The following CDH13 variants were observed in gnomAD, a reference collection of about 807,000 sequenced individuals.
CDH13 encodes cadherin 13, also known as cadherin-13.
In CDH13, 24 loss-of-function variants were observed where a neutral mutation model predicts 63.8. That is an observed-to-expected ratio of 0.38 (90% CI 0.27 to 0.53). The LOEUF is 0.53. Among genes scored for constraint, CDH13 ranks in the 20% least tolerant of loss-of-function variants. The pLI is 0.85. For missense variants in CDH13, 1,049 were observed against 903.1 expected (o/e 1.16, Z -2.07); for synonymous variants, 503 against 355.3 (o/e 1.42, Z -4.67).
intron 3 of CDH13, among the ~76,000 whole-genome samples, chr16:83,049,766 T>G (rs1388787918): frequency 1.3e-5 from 2 of 152,174 alleles, no homozygotes; most frequent in Non-Finnish European, 2.9e-5. Flanking sequence ...TTGATGGCCA[T>G]TTGGGCTTTT....
intron 7 of CDH13, among the ~76,000 whole-genome samples, chr16:83,560,163 G>A (rs1007844371): frequency 2.0e-5 from 3 of 152,160 alleles, no homozygotes; most frequent in Non-Finnish European, 4.4e-5. Context: ...GCAAAGGCAA[G>A]AACGAGATAG....
chr16:82,685,482 T>G (rs1336774392), intron 1 of CDH13, among the ~76,000 whole-genome samples: 1 of 152,168 alleles, frequency 6.6e-6, no homozygotes, highest in Admixed American at 6.5e-5. Flanking sequence ...CATATGGATG[T>G]TGGGGGGAAT....
In CDH13 at chr16:83,668,725, G is replaced by C. The variant is rs547836879; in HGVS notation, c.1102-2065G>C. Among the ~76,000 whole-genome samples the C allele has an allele frequency of 3.3e-5, 5 of 152,222 alleles. No homozygotes were observed. The East Asian group carries it at 9.7e-4, about 29-fold the overall frequency. ...CCAGGAGACTTAGGTCTGATCTTTG[G>C]GTCACTAAACGACTTTGGGCAGCAC... On this transcript the variant is annotated intron_variant, in intron 8 of 13. Transcript: ENST00000567109.
At chr16:83,439,178 C>G (rs559838523) in intron 6 of CDH13, among the ~76,000 whole-genome samples, 3 of 152,248 alleles carry the variant, frequency 2.0e-5, no homozygotes, top group Non-Finnish European at 2.9e-5. Context: ...TACCTATATT[C>G]TAATGTTTTA....
At chr16:83,665,532 T>G (rs1371169527) in intron 8 of CDH13, among the ~76,000 whole-genome samples, 1 of 152,204 alleles carries the variant, frequency 6.6e-6, no homozygotes, top group Non-Finnish European at 1.5e-5. Context: ...TGATGGTCTC[T>G]CCCCTACCCT....
chr16:83,186,969 A>G (rs1045559806), intron 4 of CDH13, among the ~76,000 whole-genome samples: 7 of 146,720 alleles, frequency 4.8e-5, no homozygotes, highest in African/African-American at 1.9e-4. Flanking sequence ...TTTATTTTTT[A>G]TTACTGTAAT....
At chr16:82,788,040 A>G (rs1429901724) in intron 1 of CDH13, among the ~76,000 whole-genome samples, 1 of 152,192 alleles carries the variant, frequency 6.6e-6, no homozygotes, top group Non-Finnish European at 1.5e-5. Context: ...AATCATCTTC[A>G]AGAAGTGCCC....
At chr16:83,151,511 A>G (rs1352896378) in intron 4 of CDH13, among the ~76,000 whole-genome samples, 1 of 152,224 alleles carries the variant, frequency 6.6e-6, no homozygotes, top group Non-Finnish European at 1.5e-5. Context: ...AGTTAATAAC[A>G]AACCCAGAAC....
At chr16:83,446,010 T>C (rs1440138992) in intron 6 of CDH13, among the ~76,000 whole-genome samples, 1 of 151,874 alleles carries the variant, frequency 6.6e-6, no homozygotes, top group Non-Finnish European at 1.5e-5. Context: ...TAGAAAAACA[T>C]GAGGAAGGTC....
chr16:83,743,367 T>C (rs1382235261), intron 10 of CDH13, among the ~76,000 whole-genome samples: 1 of 152,062 alleles, frequency 6.6e-6, no homozygotes, highest in African/African-American at 2.4e-5. Context: ...TCCCTGGAAA[T>C]GTGGCGCAGG....
At chr16:83,650,245 A>G (rs995622200) in intron 8 of CDH13, among the ~76,000 whole-genome samples, 3 of 152,198 alleles carry the variant, frequency 2.0e-5, no homozygotes, top group African/African-American at 7.2e-5. Flanking sequence ...CTTCTTTTAT[A>G]AAAGGGATTA....
At chr16:83,488,767 G>A (rs191844210) in intron 7 of CDH13, among the ~76,000 whole-genome samples, 1 of 152,202 alleles carries the variant, frequency 6.6e-6, no homozygotes, top group East Asian at 1.9e-4. Flanking sequence ...TGGGAATACA[G>A]GCGCCTGCCA....
In CDH13 at chr16:83,328,947, G is replaced by A. The variant is rs533083181; in HGVS notation, c.637-15915G>A. ...TGCTGCTCATTTCCATGAAGGTCTT[G>A]TTCACAGTAAGCAAGTTTGTCAAAC... On this transcript the variant is annotated intron_variant, in intron 5 of 13. Transcript: ENST00000567109. 3.3e-5 allele frequency among the ~76,000 whole-genome samples: 5 copies of A among 152,326 alleles called. No individual in the cohort carries two copies. The South Asian group carries it at 8.3e-4, about 25-fold the overall frequency.
chr16:82,971,458 A>C (rs2151369606), intron 2 of CDH13, among the ~76,000 whole-genome samples: 1 of 152,316 alleles, frequency 6.6e-6, no homozygotes, highest in East Asian at 1.9e-4. Flanking sequence ...GTGTATCATC[A>C]CCTGTATTTT....
chr16:82,801,810 A>G (rs2036868122), intron 1 of CDH13, among the ~76,000 whole-genome samples: 1 of 150,818 alleles, frequency 6.6e-6, no homozygotes, highest in South Asian at 2.1e-4. Flanking sequence ...GTCAGGAGAT[A>G]GCTTTAAAAG....
chr16:83,237,885 CTT>C (rs1289533097), intron 5 of CDH13, among the ~76,000 whole-genome samples: 1 of 152,136 alleles, frequency 6.6e-6, no homozygotes, highest in African/African-American at 2.4e-5. Context: ...GTATTGATAA[CTT>C]ATATATGTCT....
At chr16:82,779,349 T>A (rs1001463989) in intron 1 of CDH13, among the ~76,000 whole-genome samples, 1 of 152,194 alleles carries the variant, frequency 6.6e-6, no homozygotes, top group Non-Finnish European at 1.5e-5. Flanking sequence ...CACAGAACTA[T>A]CCAGCCAGAA....
chr16:83,234,655 AT>A (rs1441141900), intron 5 of CDH13, among the ~76,000 whole-genome samples: 1 of 152,134 alleles, frequency 6.6e-6, no homozygotes, highest in Non-Finnish European at 1.5e-5. Flanking sequence ...TGCCGGGGGC[AT>A]TGTTCTAGGC....
chr16:83,119,565 C>T (rs1484678968), intron 3 of CDH13, among the ~76,000 whole-genome samples: 1 of 152,216 alleles, frequency 6.6e-6, no homozygotes, highest in African/African-American at 2.4e-5. Context: ...CACTGCTCTT[C>T]TGCCTTTTGT....
Sources: allele counts gnomAD v4.1 joint callset (sites outside exome capture counted in the v4.1 genomes callset), GRCh38; gene constraint gnomAD v4.1.1; transcripts MANE v1.5; gene names NCBI Gene and HGNC (gene_info 2026-07-23, HGNC 2026-07-21).